DPYSL4: variants seen among roughly 807,000 people sequenced by gnomAD.
DPYSL4 encodes dihydropyrimidinase like 4.
DPYSL4 carries 43 observed loss-of-function variants against 63.4 expected under a neutral mutation model. That is an observed-to-expected ratio of 0.68 (90% confidence interval 0.53 to 0.88). DPYSL4 has a LOEUF of 0.88. Among genes scored for constraint, DPYSL4 ranks in the 40% least tolerant of loss-of-function variants. The pLI, the probability that DPYSL4 is intolerant of heterozygous loss-of-function variation, is 0.00. For synonymous variants in DPYSL4, 353 were observed against 331.7 expected, an observed-to-expected ratio of 1.06 and a Z score of -0.70; for missense variants, 733 against 819.5, an observed-to-expected ratio of 0.89 and a Z score of 1.29.
At chr10:132,199,551 G>A (rs146272944) in intron 8 of DPYSL4, among the ~76,000 whole-genome samples, 59 of 152,200 alleles carry the variant, frequency 3.9e-4, no homozygotes, top group African/African-American at 1.3e-3. Context: ...CCCAGGTGAC[G>A]GGTAAATGAG....
Position 132,192,688 on chromosome 10 carries a change from G to T in DPYSL4, c.159G>T (p.Gly53=), listed in dbSNP as rs940930336. The part of the protein sequence containing the change: ...KQIGENLIVP[G]GIKTIDAHGL... ...TCGGAGAAAACCTCATCGTCCCTGG[G>T]GGCATCAAGACCATTGACGCCCACG... The change falls in exon 3 of 14, where the codon GGG becomes GGT. Residue 53 remains glycine, a synonymous_variant. Transcript: ENST00000338492. 6.2e-7 allele frequency: 1 copy of T among 1,612,242 alleles called. No homozygotes were observed. Among genetic ancestry groups the T allele is most frequent in the African/African-American group, 1.3e-5 (1 of 74,988 alleles).
chr10:132,202,902 T>G (rs1307943021), intron 12 of DPYSL4, 77 bp downstream of exon 12: 1 of 1,496,640 alleles, frequency 6.7e-7, no homozygotes, highest in African/African-American at 1.4e-5. Flanking sequence ...GCACCCCTGG[T>G]CAACCTGGCC....
intron 4 of DPYSL4, among the ~76,000 whole-genome samples, chr10:132,195,378 A>G (rs774591022): frequency 3.3e-5 from 5 of 152,338 alleles, no homozygotes; most frequent in South Asian, 4.1e-4. Context: ...GTTGTCACCA[A>G]TGCTAAAACA....
chr10:132,194,727 G>C (rs570308594), intron 3 of DPYSL4, 118 bp from the exon 4 acceptor site: 57 of 1,345,570 alleles, frequency 4.2e-5, no homozygotes, highest in Non-Finnish European at 5.7e-5. Context: ...CCTCTGCTGT[G>C]TCTCCCTCAA....
rs1001268719 is a variant in DPYSL4 at position 132,194,711 on chromosome 10, C to T, written c.314-134C>T. ...GGCAGCGTCATCCTCTCTCAGGGGC[C>T]GGTGGCCTCTGCTGTGTCTCCCTCA... On this transcript the variant is annotated intron_variant, in intron 3 of 13. Coordinates refer to ENST00000338492, the MANE Select transcript of DPYSL4 (RefSeq NM_006426.3). 46 of 1,111,472 alleles carry T rather than the reference C, an allele frequency of 4.1e-5. No individual in the cohort carries two copies. The African/African-American group carries it at 4.4e-4, about 11-fold the overall frequency. The allele number at this position is 1,111,472 out of a possible 1,614,324, so 68.9% of individuals were successfully genotyped here. A position where few individuals can be genotyped will look rare whatever the true frequency, so the allele number is the denominator to read the frequency against.
At position 132,196,954 on chromosome 10, in the gene DPYSL4, G is replaced by C. The variant is rs1044723060; in HGVS notation, c.540+32G>C. The C allele has an allele frequency of 3.1e-6, 5 of 1,613,552 alleles. No homozygotes were observed. The Admixed American group carries it at 6.7e-5, about 22-fold the overall frequency. On this transcript the variant is annotated intron_variant, in intron 5 of 13. Coordinates refer to ENST00000338492, the MANE Select transcript of DPYSL4 (RefSeq NM_006426.3). ...GCAGGCGTGGGGAACGGAGTGGGCAGGTATATCCCAGGCCGCTGCTGGTGC... is the reference window on the plus strand; with the variant it reads ...GCAGGCGTGGGGAACGGAGTGGGCACGTATATCCCAGGCCGCTGCTGGTGC...
intron 9 of DPYSL4, 96 bp downstream of exon 9, chr10:132,200,608 A>G: frequency 6.6e-7 from 1 of 1,508,692 alleles, no homozygotes; most frequent in Non-Finnish European, 8.9e-7. Flanking sequence ...CACGGCTCCC[A>G]TAGGGCAGCC....
intron 1 of DPYSL4, among the ~76,000 whole-genome samples, 170 bp downstream of exon 1, chr10:132,187,272 T>C (rs1200350420): frequency 6.6e-6 from 1 of 151,036 alleles, no homozygotes; most frequent in Non-Finnish European, 1.5e-5. Flanking sequence ...CGCCCCAGGG[T>C]CCGAGAGTCC....
chr10:132,203,287 C>T (rs558991008), intron 12 of DPYSL4, among the ~76,000 whole-genome samples: 1 of 152,170 alleles, frequency 6.6e-6, no homozygotes, highest in African/African-American at 2.4e-5. Flanking sequence ...GGAGCCCCCC[C>T]CCCATGGCCT....
At position 132,192,713 on chromosome 10, in the gene DPYSL4, G is replaced by A. The variant is rs768468892; in HGVS notation, c.184G>A (p.Gly62Ser). The A allele has an allele frequency of 1.7e-5, 28 of 1,613,274 alleles. No individual in the cohort carries two copies. The highest frequency in any genetic ancestry group is 1.6e-4 in the Middle Eastern group (1 of 6,084). ...PGGIKTIDAH[G>S]LMVLPGGVDV... ...GGGCATCAAGACCATTGACGCCCAC[G>A]GCCTGATGGTCCTTCCTGGTGGCGT... Residue 62 changes from glycine (G) to serine (S), a missense_variant, in exon 3 of 14, where the codon GGC becomes AGC. Coordinates refer to ENST00000338492, the MANE Select transcript of DPYSL4 (RefSeq NM_006426.3).
chr10:132,201,091 G>A (rs1018927560), intron 10 of DPYSL4, 108 bp downstream of exon 10: 33 of 1,461,644 alleles, frequency 2.3e-5, no homozygotes, highest in Non-Finnish European at 2.8e-5. Flanking sequence ...TCGTGAAACA[G>A]ATCAGAGCAC....
At chr10:132,187,572 C>G (rs1020597848) in intron 1 of DPYSL4, among the ~76,000 whole-genome samples, 1 of 152,194 alleles carries the variant, frequency 6.6e-6, no homozygotes, top group African/African-American at 2.4e-5. Context: ...CCGGCGCAGC[C>G]CGTGGGTCGC....
intron 10 of DPYSL4, among the ~76,000 whole-genome samples, chr10:132,201,480 G>T (rs577569908): frequency 6.6e-6 from 1 of 152,222 alleles, no homozygotes; most frequent in African/African-American, 2.4e-5. Context: ...CTCCACTCTC[G>T]CTGAACCTTC....
intron 4 of DPYSL4, among the ~76,000 whole-genome samples, chr10:132,196,156 A>G (rs2061940989): frequency 6.6e-6 from 1 of 152,160 alleles, no homozygotes; most frequent in African/African-American, 2.4e-5. Flanking sequence ...AGGAGATGCC[A>G]TGGGTTGGGT....
At position 132,202,670 on chromosome 10, in the gene DPYSL4, G is replaced by A. The variant is rs1264770014; in HGVS notation, c.1306G>A (p.Gly436Arg). The change falls in exon 12 of 14, where the codon GGA becomes AGA. Residue 436 changes from glycine (G) to arginine (R), a missense_variant. By Grantham distance (125) the Gly-to-Arg change is moderately radical. Transcript: ENST00000338492. ...GAACGTGGAGTACAACATCTTCGAG[G>A]GAGTGGAGTGCCGGGGAGCGCCTGC... ...NLNVEYNIFE[G>R]VECRGAPAVV... 1 of 1,613,068 alleles carries A rather than the reference G, an allele frequency of 6.2e-7. No individual in the cohort carries two copies. Among genetic ancestry groups the A allele is most frequent in the Non-Finnish European group, 8.5e-7 (1 of 1,179,984 alleles).
chr10:132,198,633 G>A, intron 7 of DPYSL4, 150 bp downstream of exon 7: 1 of 1,067,008 alleles, frequency 9.4e-7, no homozygotes, highest in Non-Finnish European at 1.3e-6. Context: ...CCCCGTGCCA[G>A]GCACTTGTCC....
intron 3 of DPYSL4, among the ~76,000 whole-genome samples, chr10:132,193,863 A>AAATC (rs2061907758): frequency 6.6e-6 from 1 of 152,238 alleles, no homozygotes; most frequent in South Asian, 2.1e-4. Flanking sequence ...AGCCATTACC[A>AAATC]AATCACAGCT....
chr10:132,199,017 G>C lies in DPYSL4; in HGVS notation c.811+46G>C, dbSNP rs768260952. ...CTGATGCCGAGGGGCCATGGTCTCGGCCTCCTGGGTGCAGCCCTGGGGAGA... is the reference window on the plus strand; with the variant it reads ...CTGATGCCGAGGGGCCATGGTCTCGCCCTCCTGGGTGCAGCCCTGGGGAGA... On this transcript the variant is annotated intron_variant, in intron 8 of 13. Coordinates refer to ENST00000338492, the MANE Select transcript of DPYSL4 (RefSeq NM_006426.3). The C allele has an allele frequency of 1.3e-5, 20 of 1,593,362 alleles. No individual in the cohort carries two copies. In the South Asian group the frequency reaches 2.0e-4, roughly 16 times the overall value.
intron 3 of DPYSL4, 62 bp downstream of exon 3, chr10:132,192,904 C>T: frequency 1.3e-6 from 2 of 1,503,546 alleles, no homozygotes; most frequent in African/African-American, 1.4e-5. Context: ...CTCTCTCTGG[C>T]CAGGTGTGTG....
Sources: gnomAD v4.1 joint callset for allele counts (sites outside exome capture counted in the v4.1 genomes callset) on GRCh38, gnomAD v4.1.1 for gene constraint, MANE v1.5 for transcripts, NCBI Gene and HGNC (gene_info 2026-07-23, HGNC 2026-07-21) for gene names.